COL21A1: variants seen among roughly 807,000 people sequenced by gnomAD.
The protein encoded by COL21A1 is collagen type XXI alpha 1 chain.
A neutral mutation model predicts 137.9 loss-of-function variants in COL21A1; 149 were observed. The ratio of observed to expected loss-of-function variants is 1.08; its 90% CI spans 0.95 to 1.24. The LOEUF (loss-of-function observed/expected upper bound fraction) is 1.24, where lower values mean the gene tolerates loss of function less well. COL21A1 is among the 50% of genes most tolerant of loss of function. COL21A1 has a pLI of 0.00. For synonymous variants in COL21A1, 456 were observed against 391.5 expected, an observed-to-expected ratio of 1.16 and a Z score of -1.95; for missense variants, 1,167 against 1,158.4, an observed-to-expected ratio of 1.01 and a Z score of -0.11.
At chr6:56,278,912 G>T (rs1246090464) in intron 1 of COL21A1, among the ~76,000 whole-genome samples, 1 of 152,206 alleles carries the variant, frequency 6.6e-6, no homozygotes, top group Non-Finnish European at 1.5e-5. Context: ...GCATGAGAAT[G>T]AAGTTGCTTA....
At chr6:56,290,796 G>A (rs772397370) in intron 1 of COL21A1, among the ~76,000 whole-genome samples, 6 of 152,084 alleles carry the variant, frequency 3.9e-5, no homozygotes, top group Admixed American at 2.6e-4. Flanking sequence ...CACCACGCCC[G>A]GCCAGGAAGA....
In COL21A1 at chr6:56,106,704, A is replaced by G. The variant is rs115340376; in HGVS notation, c.1759-5179T>C. 8.2e-3 allele frequency among the ~76,000 whole-genome samples: 1,242 copies of G among 152,318 alleles called. 19 individuals are homozygous for G. The highest frequency in any genetic ancestry group is 0.029 in the African/African-American group (1,197 of 41,566). On this transcript the variant is annotated intron_variant, in intron 16 of 29. Transcript: ENST00000244728. ...CAGAGAACAAAAAGAAAAAAATAAT[A>G]AAAACTTTTCATATTTTCCTCACAC...
chr6:56,345,565 G>A (rs1042771929), intron 1 of COL21A1, among the ~76,000 whole-genome samples: 1 of 152,168 alleles, frequency 6.6e-6, no homozygotes, highest in African/African-American at 2.4e-5. Context: ...CCCACTACAT[G>A]ACAATGAAAT....
At chr6:56,064,555 A>G (rs1246498966) in intron 24 of COL21A1, 23 bp downstream of exon 24, 1 of 1,537,836 alleles carries the variant, frequency 6.5e-7, no homozygotes, top group Non-Finnish European at 8.9e-7. Flanking sequence ...TTCATTTTTT[A>G]TCAGAAGAAA....
At chr6:56,262,343 G>C (rs1052589456) in intron 1 of COL21A1, among the ~76,000 whole-genome samples, 1 of 152,108 alleles carries the variant, frequency 6.6e-6, no homozygotes, top group African/African-American at 2.4e-5. Context: ...AATACTGTAA[G>C]TATCTACTCC....
chr6:56,391,885 A>G (rs1305831689), intron 1 of COL21A1, among the ~76,000 whole-genome samples: 1 of 152,196 alleles, frequency 6.6e-6, no homozygotes, highest in Non-Finnish European at 1.5e-5. Flanking sequence ...CCAGCAAAGA[A>G]AAGCCCAAGA....
chr6:56,391,645 C>T (rs192687281), intron 1 of COL21A1, among the ~76,000 whole-genome samples: 2 of 152,074 alleles, frequency 1.3e-5, no homozygotes, highest in Middle Eastern at 3.4e-3. Context: ...TATTAGAGAC[C>T]ATTATGAGCA....
intron 1 of COL21A1, among the ~76,000 whole-genome samples, chr6:56,222,019 T>C (rs1445141499): frequency 6.6e-6 from 1 of 152,154 alleles, no homozygotes; most frequent in Non-Finnish European, 1.5e-5. Context: ...ACACCTGTAA[T>C]CCCAGCACTT....
chr6:56,163,081 A>T (rs1388092966), intron 9 of COL21A1, among the ~76,000 whole-genome samples: 3 of 152,228 alleles, frequency 2.0e-5, no homozygotes, highest in Non-Finnish European at 4.4e-5. Flanking sequence ...ATAGAAAAAC[A>T]TACATAAAAG....
intron 1 of COL21A1, among the ~76,000 whole-genome samples, chr6:56,305,535 A>T (rs1435604536): frequency 6.6e-6 from 1 of 152,000 alleles, no homozygotes; most frequent in East Asian, 1.9e-4. Flanking sequence ...AGTCTGTTTT[A>T]TCAGAGACTA....
At chr6:56,342,835 A>G (rs1170927046) in intron 1 of COL21A1, among the ~76,000 whole-genome samples, 2 of 152,324 alleles carry the variant, frequency 1.3e-5, no homozygotes, top group Non-Finnish European at 1.5e-5. Context: ...ACTTTTGCCA[A>G]CGCACCACCC....
chr6:56,082,694 T>A lies in COL21A1; in HGVS notation c.1813-5121A>T, dbSNP rs183521375. 3.6e-3 allele frequency among the ~76,000 whole-genome samples: 552 copies of A among 151,794 alleles called. 7 individuals are homozygous for A. Among genetic ancestry groups the A allele is most frequent in the African/African-American group, 0.013 (525 of 41,482 alleles). ...ATTTTATATATAATAGAGGTAATCA[T>A]ACCAAAATATTTTAAAGCACCATTA... On this transcript the variant is annotated intron_variant, in intron 17 of 29. Transcript: ENST00000244728.
At chr6:56,217,515 G>A (rs535791526) in intron 1 of COL21A1, among the ~76,000 whole-genome samples, 1 of 151,996 alleles carries the variant, frequency 6.6e-6, no homozygotes, top group African/African-American at 2.4e-5. Flanking sequence ...CCAAATGACT[G>A]AAAGGTACCA....
chr6:56,168,090 A>G (rs1776729043), intron 6 of COL21A1, 34 bp downstream of exon 6: 1 of 1,364,908 alleles, frequency 7.3e-7, no homozygotes, highest in Non-Finnish European at 9.8e-7. Context: ...GTTTCATTCT[A>G]TATAATTCAA....
chr6:56,325,918 T>C (rs1225913500), intron 1 of COL21A1, among the ~76,000 whole-genome samples: 8 of 36,462 alleles, frequency 2.2e-4, no homozygotes, highest in Non-Finnish European at 2.9e-4. Context: ...TAATATATAT[T>C]ATATAATATA....
upstream of COL21A1, among the ~76,000 whole-genome samples, chr6:56,249,461 C>A (rs955931151): frequency 1.3e-5 from 2 of 152,090 alleles, no homozygotes; most frequent in African/African-American, 4.8e-5. Flanking sequence ...GCAGTAACAA[C>A]CCAAATGTCT....
rs759656954 is a variant in COL21A1, at chr6:56,171,098, G to A, written c.671C>T (p.Ala224Val). 1.9e-6 allele frequency: 3 copies of A among 1,606,390 alleles called. No homozygotes were observed. In the Admixed American group the frequency reaches 5.1e-5, roughly 27 times the overall value. Residue 224 changes from alanine (A) to valine (V), a missense_variant, in exon 4 of 30, where the codon GCA becomes GTA. Coordinates refer to ENST00000244728, the MANE Select transcript of COL21A1 (RefSeq NM_030820.4). The stretch of plus-strand genomic sequence containing the variant: ...ATCAAATCCCCTTTCATCACGAGCT[G>A]CCACTGGAATTCGTGTTGGACAGAC... ...ESVCPTRIPV[A>V]ARDERGFDIL...
chr6:56,124,705 A>G (rs1189562937), intron 14 of COL21A1, among the ~76,000 whole-genome samples: 2 of 151,596 alleles, frequency 1.3e-5, no homozygotes, highest in Admixed American at 6.6e-5. Flanking sequence ...GCAGTGGTGC[A>G]ATCTCCGCTC....
intron 1 of COL21A1, among the ~76,000 whole-genome samples, chr6:56,340,057 A>G (rs113882287): frequency 5.6e-5 from 1 of 17,906 alleles, no homozygotes; most frequent in Non-Finnish European, 1.1e-4. Context: ...CCCAGAGAGG[A>G]AAAAAAACGC....
Sources: gnomAD v4.1 joint callset for allele counts (sites outside exome capture counted in the v4.1 genomes callset) on GRCh38, gnomAD v4.1.1 for gene constraint, MANE v1.5 for transcripts, NCBI Gene and HGNC (gene_info 2026-07-23, HGNC 2026-07-21) for gene names.